Variants in NAALADL2 observed in about 807,000 individuals in gnomAD.
The protein encoded by NAALADL2 is N-acetylated alpha-linked acidic dipeptidase like 2.
A neutral mutation model predicts 87.2 loss-of-function variants in NAALADL2; 76 were observed. That is an observed-to-expected ratio of 0.87 (90% confidence interval 0.72 to 1.05). NAALADL2 has a LOEUF of 1.05. Ranked by LOEUF, NAALADL2 falls within the 50% of genes least tolerant of loss-of-function variation. NAALADL2 has a pLI of 0.00. For missense variants in NAALADL2, 1,089 were observed against 945.8 expected (o/e 1.15, Z -1.99); for synonymous variants, 354 against 331.0 (o/e 1.07, Z -0.75).
chr3:175,786,462 G>A (rs748904365), intron 13 of NAALADL2, among the ~76,000 whole-genome samples: 102 of 151,800 alleles, frequency 6.7e-4, no homozygotes, highest in Non-Finnish European at 1.1e-3. Context: ...ATCTTCCATT[G>A]CTGATACCCT....
At chr3:175,688,414 A>G (rs1736602932) in intron 11 of NAALADL2, among the ~76,000 whole-genome samples, 1 of 152,150 alleles carries the variant, frequency 6.6e-6, no homozygotes, top group African/African-American at 2.4e-5. Flanking sequence ...GAGCTGGGAG[A>G]GACAGAATTG....
At chr3:175,510,033 T>C (rs1730924442) in intron 9 of NAALADL2, among the ~76,000 whole-genome samples, 2 of 149,310 alleles carry the variant, frequency 1.3e-5, no homozygotes, top group Admixed American at 1.4e-4. Flanking sequence ...CCCAGTGTGA[T>C]GTTCCTCTTC....
chr3:174,656,741 C>T (rs1419107751), intron 2 of NAALADL2, among the ~76,000 whole-genome samples: 1 of 152,030 alleles, frequency 6.6e-6, no homozygotes, highest in Non-Finnish European at 1.5e-5. Context: ...CCTCTGACCC[C>T]TCCTTTAGAA....
intron 4 of NAALADL2, among the ~76,000 whole-genome samples, chr3:175,318,279 T>C (rs1369242105): frequency 6.6e-6 from 1 of 152,120 alleles, no homozygotes. Context: ...TTTGTTTTAG[T>C]GTACGTATGT....
chr3:175,420,173 T>G (rs1046066335), intron 5 of NAALADL2, among the ~76,000 whole-genome samples: 1 of 151,948 alleles, frequency 6.6e-6, no homozygotes, highest in Non-Finnish European at 1.5e-5. Flanking sequence ...TTTACTTTCA[T>G]GAAAAAAGAG....
chr3:174,905,190 A>G (rs1439718289), intron 1 of NAALADL2, among the ~76,000 whole-genome samples: 1 of 151,838 alleles, frequency 6.6e-6, no homozygotes, highest in Admixed American at 6.6e-5. Context: ...CATTCTAATG[A>G]TTTATTAATA....
In NAALADL2 at chr3:175,802,994, T is replaced by C; in HGVS notation, c.2190-11T>C. On this transcript the variant is annotated splice_polypyrimidine_tract_variant and intron_variant, in intron 13 of 13. Transcript: ENST00000454872. ...GCATGAAACATTTATACATTTTGTATTTCTTTTCAGAAACATCCTCTACCA... is the reference window on the plus strand; with the variant it reads ...GCATGAAACATTTATACATTTTGTACTTCTTTTCAGAAACATCCTCTACCA... 1 of 1,591,612 alleles carries C rather than the reference T, an allele frequency of 6.3e-7. No individual in the cohort carries two copies. Among genetic ancestry groups the C allele is most frequent in the Non-Finnish European group, 8.6e-7 (1 of 1,161,324 alleles).
At chr3:174,997,055 T>G (rs994432805) in intron 1 of NAALADL2, among the ~76,000 whole-genome samples, 4 of 144,006 alleles carry the variant, frequency 2.8e-5, no homozygotes, top group Admixed American at 6.9e-5. Flanking sequence ...TATATATATA[T>G]ATATTTTTTT....
At chr3:175,753,736 C>T (rs1157808783) in intron 12 of NAALADL2, among the ~76,000 whole-genome samples, 2 of 152,062 alleles carry the variant, frequency 1.3e-5, no homozygotes, top group African/African-American at 4.8e-5. Context: ...TCATAAGGAC[C>T]AAGTATTACG....
chr3:175,349,138 A>G (rs1262731680), intron 5 of NAALADL2, among the ~76,000 whole-genome samples: 1 of 151,934 alleles, frequency 6.6e-6, no homozygotes, highest in Non-Finnish European at 1.5e-5. Context: ...ATCAGAGAAT[A>G]AGAATGAAAG....
At chr3:175,323,510 A>G (rs889497602) in intron 4 of NAALADL2, among the ~76,000 whole-genome samples, 4 of 151,850 alleles carry the variant, frequency 2.6e-5, no homozygotes, top group African/African-American at 9.7e-5. Context: ...AAAGAACCTT[A>G]TGTATGGTAG....
chr3:175,007,522 G>T (rs1003533366), intron 1 of NAALADL2, among the ~76,000 whole-genome samples: 2 of 152,104 alleles, frequency 1.3e-5, no homozygotes, highest in Non-Finnish European at 2.9e-5. Context: ...CAGAAAGAAG[G>T]CCCCTGGGGC....
rs544484949 is a variant in NAALADL2 at position 175,126,228 on chromosome 3, G to A, written c.545+28937G>A. On this transcript the variant is annotated intron_variant, in intron 2 of 13. Coordinates refer to ENST00000454872, the MANE Select transcript of NAALADL2 (RefSeq NM_207015.3). ...ACCAGAAAAGAGGAATTGGAGATAG[G>A]AAGAACAGATAAAAGAGGCGATTGA... Among the ~76,000 whole-genome samples the A allele has an allele frequency of 7.2e-5, 11 of 152,144 alleles. No homozygotes were observed. In the East Asian group the frequency reaches 2.1e-3, roughly 29 times the overall value.
At chr3:174,967,195 C>A (rs1192928699) in intron 1 of NAALADL2, among the ~76,000 whole-genome samples, 4 of 151,902 alleles carry the variant, frequency 2.6e-5, no homozygotes, top group African/African-American at 9.7e-5. Context: ...GATTCTGATG[C>A]AGAGTAAAAG....
intron 9 of NAALADL2, among the ~76,000 whole-genome samples, chr3:175,553,916 T>C (rs2149496169): frequency 6.6e-6 from 1 of 152,268 alleles, no homozygotes; most frequent in East Asian, 1.9e-4. Context: ...TGCATCCTAG[T>C]GGAAGGAGTC....
chr3:175,289,080 T>C (rs1029896297), intron 4 of NAALADL2, among the ~76,000 whole-genome samples: 1 of 152,200 alleles, frequency 6.6e-6, no homozygotes, highest in Non-Finnish European at 1.5e-5. Context: ...ATGGTTTATG[T>C]AAGAATTTGA....
chr3:175,181,385 T>C (rs1464278520), intron 2 of NAALADL2, among the ~76,000 whole-genome samples: 1 of 151,906 alleles, frequency 6.6e-6, no homozygotes, highest in Admixed American at 6.6e-5. Flanking sequence ...ATCAAACTAG[T>C]TAATATATCC....
At chr3:174,817,077 T>C (rs1254413563) in intron 3 of NAALADL2, among the ~76,000 whole-genome samples, 5 of 152,212 alleles carry the variant, frequency 3.3e-5, no homozygotes, top group African/African-American at 9.6e-5. Flanking sequence ...TTATTTCCTT[T>C]GGTTACTTTG....
At chr3:175,158,575 G>A (rs1488658154) in intron 2 of NAALADL2, among the ~76,000 whole-genome samples, 1 of 152,050 alleles carries the variant, frequency 6.6e-6, no homozygotes, top group Non-Finnish European at 1.5e-5. Context: ...AATAAGTGAA[G>A]TAAAAAATAG....
Sources: allele counts gnomAD v4.1 joint callset (sites outside exome capture counted in the v4.1 genomes callset), GRCh38; gene constraint gnomAD v4.1.1; transcripts MANE v1.5; gene names NCBI Gene and HGNC (gene_info 2026-07-23, HGNC 2026-07-21).